Variants in SHB observed in about 807,000 individuals in gnomAD.
The protein encoded by SHB is SH2 domain-containing adapter protein B.
A neutral mutation model predicts 52.3 loss-of-function variants in SHB; 20 were observed. The observed-to-expected ratio is 0.38, with a 90% CI of 0.27 to 0.56. The LOEUF is 0.56. Among genes scored for constraint, SHB ranks in the 20% least tolerant of loss-of-function variants. SHB has a pLI of 0.71. For missense variants in SHB, 825 were observed against 723.3 expected (o/e 1.14, Z -1.61); for synonymous variants, 397 against 316.5 (o/e 1.25, Z -2.70).
intron 1 of SHB, among the ~76,000 whole-genome samples, chr9:38,034,391 CTG>C (rs1171075567): frequency 6.6e-6 from 1 of 152,212 alleles, no homozygotes; most frequent in African/African-American, 2.4e-5. Context: ...AGAGAGGAGA[CTG>C]TCTCCCTCTA....
chr9:37,984,126 G>A (rs1438814147), intron 2 of SHB, among the ~76,000 whole-genome samples: 2 of 152,198 alleles, frequency 1.3e-5, no homozygotes, highest in Non-Finnish European at 2.9e-5. Context: ...AGTGCCTGGT[G>A]CACAGAAGGC....
chr9:37,948,188 G>A (rs894936941), intron 5 of SHB, among the ~76,000 whole-genome samples: 1 of 152,178 alleles, frequency 6.6e-6, no homozygotes, highest in Non-Finnish European at 1.5e-5. Context: ...CAGTGGCAGA[G>A]AGTCATGGGC....
intron 2 of SHB, among the ~76,000 whole-genome samples, chr9:38,013,940 C>T (rs549941905): frequency 6.6e-6 from 1 of 152,308 alleles, no homozygotes; most frequent in Admixed American, 6.5e-5. Context: ...GATGAAGAAA[C>T]ATAATGAGGC....
chr9:38,059,839 C>T (rs1344447378), intron 1 of SHB, among the ~76,000 whole-genome samples: 1 of 152,222 alleles, frequency 6.6e-6, no homozygotes, highest in Non-Finnish European at 1.5e-5. Flanking sequence ...GAAGAATGCA[C>T]TCCTCCCCAT....
At chr9:38,046,721 G>C in intron 1 of SHB, among the ~76,000 whole-genome samples, 1 of 152,238 alleles carries the variant, frequency 6.6e-6, no homozygotes, top group East Asian at 1.9e-4. Context: ...TGGCTTCATT[G>C]TAAAGTTGCA....
intron 5 of SHB, among the ~76,000 whole-genome samples, chr9:37,939,087 TTC>T (rs1212955956): frequency 6.6e-6 from 1 of 152,226 alleles, no homozygotes; most frequent in African/African-American, 2.4e-5. Context: ...GCCCTAGTCC[TTC>T]TCTCCTGATC....
At chr9:37,981,327 T>A (rs80259454) in intron 2 of SHB, among the ~76,000 whole-genome samples, 1 of 152,274 alleles carries the variant, frequency 6.6e-6, no homozygotes, top group African/African-American at 2.4e-5. Context: ...TTCCATGTTA[T>A]GGAAATGGCT....
intron 2 of SHB, among the ~76,000 whole-genome samples, chr9:37,999,451 T>TA (rs1292226173): frequency 1.3e-5 from 2 of 151,998 alleles, no homozygotes; most frequent in Admixed American, 6.6e-5. Context: ...TCAAATACAC[T>TA]AAAAAAAATT....
chr9:37,996,505 T>TA lies in SHB; in HGVS notation c.838+19505dup, dbSNP rs1423968144. Among the ~76,000 whole-genome samples, 5 of 152,196 alleles carry TA rather than the reference T, an allele frequency of 3.3e-5. No individual in the cohort carries two copies. In the East Asian group the frequency reaches 7.7e-4, roughly 23 times the overall value. On this transcript the variant is annotated intron_variant, in intron 2 of 5. Coordinates refer to ENST00000377707, the MANE Select transcript of SHB (RefSeq NM_003028.3). ...GAGCCTAAATAAAGCAGCAGTTCTT[T>TA]AAAAAAATTTGGTAATTCAATGAAC...
chr9:38,068,048 G>T lies in SHB; in HGVS notation c.598C>A (p.Leu200Met). Residue 200 changes from leucine to methionine, a missense_variant, in exon 1 of 6, where the codon CTG (leucine) becomes ATG (methionine). Coordinates refer to ENST00000377707, the MANE Select transcript of SHB (RefSeq NM_003028.3). The stretch of plus-strand genomic sequence containing the variant: ...CGGCCGCCCGCGCAGGCGCCCCCCA[G>T]GGGGTCCCCGGCCCCACCGCCCGCG... ...SAAGGGAGDP[L>M]GGACAGGRTW... The T allele has an allele frequency of 6.7e-7, 1 of 1,501,438 alleles. No individual in the cohort carries two copies. The highest frequency in any genetic ancestry group is 8.8e-7 in the Non-Finnish European group (1 of 1,133,754). The allele number at this position is 1,501,438 out of a possible 1,614,324, so 93.0% of individuals were successfully genotyped here.
chr9:37,993,020 T>C (rs560758999), intron 2 of SHB, among the ~76,000 whole-genome samples: 1 of 152,290 alleles, frequency 6.6e-6, no homozygotes, highest in East Asian at 1.9e-4. Context: ...GCTGTGCACA[T>C]GAGAGTGTCT....
intron 1 of SHB, among the ~76,000 whole-genome samples, chr9:38,024,918 C>T (rs766242295): frequency 3.3e-5 from 5 of 152,182 alleles, no homozygotes; most frequent in Admixed American, 3.3e-4. Context: ...GGGAATCTTA[C>T]ACATGCACCA....
chr9:38,066,316 G>A (rs1437079245), intron 1 of SHB, among the ~76,000 whole-genome samples: 1 of 152,196 alleles, frequency 6.6e-6, no homozygotes, highest in South Asian at 2.1e-4. Flanking sequence ...CAAGGAGGAT[G>A]CATAAAGTCC....
At chr9:37,974,531 C>G in intron 3 of SHB, 91 bp downstream of exon 3, 1 of 1,094,260 alleles carries the variant, frequency 9.1e-7, no homozygotes, top group Non-Finnish European at 1.3e-6. Context: ...ATTAAACAAC[C>G]CTGGAGTTTG....
chr9:38,012,069 G>A (rs1821148263), intron 2 of SHB, among the ~76,000 whole-genome samples: 1 of 152,112 alleles, frequency 6.6e-6, no homozygotes. Context: ...GGGGTGAGAG[G>A]AGCCCCTGGG....
Position 37,918,057 on chromosome 9 carries a change from C to T in SHB, c.*1764G>A, listed in dbSNP as rs998062330. ...CATGTGAACAGTGAGCTGGAACCAC[C>T]TCCAAACAGTCTCTAAAGACATGAG... On this transcript the variant is annotated 3_prime_UTR_variant, in exon 6 of 6. Transcript: ENST00000377707. Among the ~76,000 whole-genome samples the T allele has an allele frequency of 3.9e-5, 6 of 152,216 alleles. No homozygotes were observed. The highest frequency in any genetic ancestry group is 8.8e-5 in the Non-Finnish European group (6 of 68,026).
At chr9:38,046,362 T>A (rs769629893) in intron 1 of SHB, among the ~76,000 whole-genome samples, 9 of 152,210 alleles carry the variant, frequency 5.9e-5, no homozygotes, top group Non-Finnish European at 1.3e-4. Context: ...AAATACTATT[T>A]GGCCCTTTAC....
At chr9:37,966,617 ATTG>A (rs1220988111) in intron 3 of SHB, among the ~76,000 whole-genome samples, 2 of 152,124 alleles carry the variant, frequency 1.3e-5, no homozygotes, top group African/African-American at 4.8e-5. Flanking sequence ...TACCAACACA[ATTG>A]TTAATTTCCT....
In SHB at chr9:37,916,744, A is replaced by G. The variant is rs984168416; in HGVS notation, c.*3077T>C. Among the ~76,000 whole-genome samples the G allele has an allele frequency of 6.6e-6, 1 of 152,190 alleles. No individual in the cohort carries two copies. Among genetic ancestry groups the G allele is most frequent in the African/African-American group, 2.4e-5 (1 of 41,448 alleles). On this transcript the variant is annotated 3_prime_UTR_variant, in exon 6 of 6. Coordinates refer to ENST00000377707, the MANE Select transcript of SHB (RefSeq NM_003028.3). ...CTTCTGACTTCAGGACGGGACTGGC[A>G]GGCGGTGGGGCCCTCTTCCCCTACA...
Sources: allele counts gnomAD v4.1 joint callset (sites outside exome capture counted in the v4.1 genomes callset), GRCh38; gene constraint gnomAD v4.1.1; transcripts MANE v1.5; gene names NCBI Gene and HGNC (gene_info 2026-07-23, HGNC 2026-07-21).